The following CUX1 variants were observed in gnomAD, a reference collection of about 807,000 sequenced individuals.
The protein encoded by CUX1 is protein CASP.
A neutral mutation model predicts 158.8 loss-of-function variants in CUX1; 31 were observed. That is an observed-to-expected ratio of 0.20 (90% confidence interval 0.15 to 0.26). The LOEUF (loss-of-function observed/expected upper bound fraction) is 0.26, where lower values mean the gene tolerates loss of function less well. Ranked by LOEUF, CUX1 falls within the 10% of genes least tolerant of loss-of-function variation. CUX1 has a pLI of 1.00. For missense variants in CUX1, 1,589 were observed against 2,014.6 expected (o/e 0.79, Z 4.04); for synonymous variants, 879 against 862.1 (o/e 1.02, Z -0.34).
chr7:102,214,082 A>T (rs1796810420), intron 20 of CUX1, among the ~76,000 whole-genome samples: 1 of 151,664 alleles, frequency 6.6e-6, no homozygotes, highest in Admixed American at 6.6e-5. Flanking sequence ...CACTGAGGCG[A>T]GATCACGCCA....
Position 101,944,198 on chromosome 7 carries a change from G to A in CUX1, c.141+27973G>A, listed in dbSNP as rs550765073. 6.6e-5 allele frequency among the ~76,000 whole-genome samples: 10 copies of A among 152,178 alleles called. No individual in the cohort carries two copies. In the South Asian group the frequency reaches 1.2e-3, roughly 19 times the overall value. Reference sequence around the variant, plus strand: ...CCGATGGCTCCTTCCAGAAAGGGGCGCAGTGGGCTGGGTTGCAGGGGGTAG... The same window carrying A: ...CCGATGGCTCCTTCCAGAAAGGGGCACAGTGGGCTGGGTTGCAGGGGGTAG... On this transcript the variant is annotated intron_variant, in intron 2 of 23. Transcript: ENST00000292535.
chr7:101,846,551 C>T (rs752325251), intron 1 of CUX1, among the ~76,000 whole-genome samples: 16 of 152,092 alleles, frequency 1.1e-4, no homozygotes, highest in African/African-American at 3.9e-4. Flanking sequence ...TGGTCTTGAA[C>T]TCTTTGGCCT....
At chr7:102,163,251 C>T (rs1401366889) in intron 9 of CUX1, among the ~76,000 whole-genome samples, 1 of 151,704 alleles carries the variant, frequency 6.6e-6, no homozygotes, top group Non-Finnish European at 1.5e-5. Flanking sequence ...TTGGAGAGGC[C>T]GAGGCAGGAG....
At chr7:102,166,169 G>A (rs1791008197) in intron 9 of CUX1, among the ~76,000 whole-genome samples, 2 of 152,218 alleles carry the variant, frequency 1.3e-5, no homozygotes, top group Non-Finnish European at 2.9e-5. Flanking sequence ...GTGGCCACCA[G>A]TCCCCTTGCC....
chr7:101,987,919 A>G (rs1160454010), intron 2 of CUX1, among the ~76,000 whole-genome samples: 5 of 152,272 alleles, frequency 3.3e-5, no homozygotes, highest in Non-Finnish European at 7.3e-5. Flanking sequence ...TGGTGTAAGA[A>G]GCGTTTTTTC....
At chr7:102,227,765 T>A in intron 21 of CUX1, 96 bp downstream of exon 21, 1 of 1,277,878 alleles carries the variant, frequency 7.8e-7, no homozygotes, top group Admixed American at 2.1e-5. Context: ...AACCACAGAG[T>A]CTCAACTTGT....
chr7:101,887,836 C>T (rs534755441), intron 1 of CUX1, among the ~76,000 whole-genome samples: 61 of 129,516 alleles, frequency 4.7e-4, no homozygotes, highest in African/African-American at 1.9e-3. Context: ...CTGGTGATGA[C>T]GGTGACATTT....
chr7:102,249,033 G>T lies in CUX1; in HGVS notation c.4509G>T (p.Trp1503Cys). ...CCAGCCGGGAGGAACCTATCGAATG[G>T]GAGTTCTGAGGGGCCGCGGCCCTGG... ...KAASREEPIEWEF is the reference protein window; with the variant it reads ...KAASREEPIECEF Residue 1503 changes from tryptophan to cysteine, a missense_variant, in exon 24 of 24, where the codon TGG becomes TGT. Around this residue, in one of 8 missense-constraint regions of CUX1, gnomAD observed 344 missense variants for 323.7 expected, o/e 1.06. Transcript: ENST00000292535. The T allele has an allele frequency of 7.4e-7, 1 of 1,347,014 alleles. No homozygotes were observed. The highest frequency in any genetic ancestry group is 1.7e-5 in the South Asian group (1 of 57,900). 83.4% of individuals were successfully genotyped at this position (1,347,014 alleles called of 1,614,324 possible).
intron 2 of CUX1, among the ~76,000 whole-genome samples, chr7:101,957,418 A>G (rs1209635378): frequency 6.6e-6 from 1 of 152,158 alleles, no homozygotes; most frequent in East Asian, 1.9e-4. Flanking sequence ...TTTTCTCCAT[A>G]GAGAATGTTA....
intron 2 of CUX1, among the ~76,000 whole-genome samples, chr7:101,949,817 C>T (rs914404150): frequency 6.6e-6 from 1 of 152,106 alleles, no homozygotes; most frequent in African/African-American, 2.4e-5. Context: ...CAGGCATGAG[C>T]CACCACGCCT....
At chr7:101,834,028 C>T (rs1000117200) in intron 1 of CUX1, among the ~76,000 whole-genome samples, 1 of 152,092 alleles carries the variant, frequency 6.6e-6, no homozygotes, top group Admixed American at 6.6e-5. Context: ...TCCTTATCCC[C>T]AGACTTCTGT....
intron 10 of CUX1, among the ~76,000 whole-genome samples, chr7:102,177,130 C>T (rs371847108): frequency 6.6e-6 from 1 of 151,800 alleles, no homozygotes; most frequent in African/African-American, 2.4e-5. Flanking sequence ...AAATAAAATA[C>T]TGGCCGGGCA....
intron 20 of CUX1, among the ~76,000 whole-genome samples, chr7:102,205,868 G>T (rs1795894195): frequency 6.6e-6 from 1 of 152,114 alleles, no homozygotes; most frequent in Admixed American, 6.6e-5. Flanking sequence ...ACGGCTCCCA[G>T]GCTCTCGTCT....
chr7:102,063,869 C>G (rs1825234899), intron 3 of CUX1, among the ~76,000 whole-genome samples: 3 of 152,196 alleles, frequency 2.0e-5, no homozygotes, highest in Admixed American at 6.5e-5. Context: ...GCTTAGTTTT[C>G]CAGGAATTCA....
At chr7:102,064,160 G>C (rs1825276017) in intron 3 of CUX1, among the ~76,000 whole-genome samples, 1 of 151,944 alleles carries the variant, frequency 6.6e-6, no homozygotes, top group African/African-American at 2.4e-5. Context: ...CTGCAGGCCA[G>C]TGTCTAACCG....
intron 1 of CUX1, among the ~76,000 whole-genome samples, chr7:101,895,908 G>GT (rs869038068): frequency 1.4e-3 from 128 of 93,980 alleles, no homozygotes; most frequent in Middle Eastern, 6.2e-3. Context: ...TTTTGTTTTT[G>GT]TTTTTTTTTT....
At chr7:101,846,612 G>A (rs112027598) in intron 1 of CUX1, among the ~76,000 whole-genome samples, 5 of 152,188 alleles carry the variant, frequency 3.3e-5, no homozygotes, top group Admixed American at 2.0e-4. Flanking sequence ...GCCAGCGGGA[G>A]CCACCCTACC....
chr7:102,041,457 T>C (rs1486563577), intron 3 of CUX1, among the ~76,000 whole-genome samples: 1 of 151,360 alleles, frequency 6.6e-6, no homozygotes, highest in Non-Finnish European at 1.5e-5. Context: ...TTTTACCATG[T>C]TGTTCAGGCT....
At chr7:101,912,376 G>T (rs1803595673) in intron 1 of CUX1, among the ~76,000 whole-genome samples, 1 of 152,116 alleles carries the variant, frequency 6.6e-6, no homozygotes, top group Non-Finnish European at 1.5e-5. Flanking sequence ...CGAGGCTCTG[G>T]ATTCCAGGCC....
Sources: allele counts gnomAD v4.1 joint callset (sites outside exome capture counted in the v4.1 genomes callset), GRCh38; gene constraint gnomAD v4.1.1; regional missense constraint gnomAD v4.1.1; transcripts MANE v1.5; gene names NCBI Gene and HGNC (gene_info 2026-07-23, HGNC 2026-07-21).